Variants in MMD2 observed in about 807,000 individuals in gnomAD.
MMD2 encodes monocyte to macrophage differentiation factor 2.
MMD2 carries 30 observed loss-of-function variants against 33.5 expected under a neutral mutation model. That is an observed-to-expected ratio of 0.90 (90% CI 0.67 to 1.22). MMD2 has a LOEUF of 1.22. MMD2 is among the 50% of genes most tolerant of loss of function. The pLI is 0.00. For synonymous variants in MMD2, 129 were observed against 123.0 expected (o/e 1.05, Z -0.32); for missense variants, 364 against 325.4 (o/e 1.12, Z -0.91).
At chr7:4,915,893 A>T (rs558089413) in intron 4 of MMD2, 112 bp downstream of exon 4, 1 of 1,054,844 alleles carries the variant, frequency 9.5e-7, no homozygotes, top group East Asian at 2.8e-5. Context: ...GAAGCTTTTA[A>T]CCTAACTCCT....
At position 4,946,535 on chromosome 7, in the gene MMD2, A is replaced by C. The variant is rs1786092426; in HGVS notation, c.47+12436T>G. 6.6e-6 allele frequency among the ~76,000 whole-genome samples: 1 copy of C among 152,164 alleles called. No homozygotes were observed. The highest frequency in any genetic ancestry group is 2.4e-5 in the African/African-American group (1 of 41,438). ...GCGAGTGAAACAAAGGATTCAGACA[A>C]TGATAACCAATGGATGCTAAGACCA... is the stretch of plus-strand genomic sequence containing the variant. On this transcript the variant is annotated intron_variant, in intron 1 of 6. Transcript: ENST00000401401. This position sits in a 1 kb window ranked among gnomAD's most constrained non-coding sequence, Gnocchi z 5.0.
rs1784959242 is a variant in MMD2, at chr7:4,909,815, C to T, written c.537+66G>A. The T allele has an allele frequency of 3.2e-6, 5 of 1,554,666 alleles. No homozygotes were observed. In the Admixed American group the frequency reaches 9.7e-5, roughly 30 times the overall value. On this transcript the variant is annotated intron_variant, in intron 6 of 6. Transcript: ENST00000401401. ...GAGGGTTTGTGACAATCTCAACAGC[C>T]AGGTCCAGCTCGGACACTCTTGGTC...
chr7:4,944,361 G>T (rs1285062450), intron 1 of MMD2, among the ~76,000 whole-genome samples: 1 of 152,124 alleles, frequency 6.6e-6, no homozygotes, highest in Non-Finnish European at 1.5e-5. Context: ...TCACTTGGAG[G>T]GAGCAAAGGT....
intron 2 of MMD2, among the ~76,000 whole-genome samples, chr7:4,920,912 C>G (rs922556559): frequency 6.6e-6 from 1 of 151,990 alleles, no homozygotes; most frequent in Non-Finnish European, 1.5e-5. Context: ...GAGGTGGGGT[C>G]TGGCTATAAT....
intron 1 of MMD2, 133 bp from the exon 2 acceptor site, chr7:4,925,665 C>T (rs1785406859): frequency 3.8e-6 from 2 of 532,504 alleles, no homozygotes; most frequent in African/African-American, 1.9e-5. Context: ...TTTCATCTCC[C>T]CCTCTCTCTC....
chr7:4,943,079 A>G (rs1785956258), intron 1 of MMD2, among the ~76,000 whole-genome samples: 1 of 131,868 alleles, frequency 7.6e-6, no homozygotes, highest in African/African-American at 2.9e-5. Flanking sequence ...GCGCAATGTC[A>G]GCTCATTGCA....
intron 4 of MMD2, among the ~76,000 whole-genome samples, chr7:4,915,135 G>A (rs932284228): frequency 1.3e-5 from 2 of 151,392 alleles, no homozygotes; most frequent in African/African-American, 4.9e-5. Flanking sequence ...GCCAAGCATG[G>A]TGGCTTGCAC....
At chr7:4,901,262 G>T (rs1027327350), downstream of MMD2, among the ~76,000 whole-genome samples, 2 of 151,958 alleles carry the variant, frequency 1.3e-5, no homozygotes, top group African/African-American at 4.8e-5. Flanking sequence ...CTAACTCGGT[G>T]AAATCACGTC....
intron 1 of MMD2, among the ~76,000 whole-genome samples, chr7:4,948,614 G>T (rs1031689121): frequency 6.6e-6 from 1 of 152,066 alleles, no homozygotes; most frequent in Non-Finnish European, 1.5e-5. Context: ...AAATGACAAG[G>T]TCATGAGGGT....
At chr7:4,914,016 G>A (rs921943134) in intron 4 of MMD2, among the ~76,000 whole-genome samples, 3 of 152,006 alleles carry the variant, frequency 2.0e-5, no homozygotes, top group Admixed American at 1.3e-4. Context: ...TAGAGACCGG[G>A]TGTCACTCTC....
chr7:4,927,088 C>G (rs963004032), intron 1 of MMD2, among the ~76,000 whole-genome samples: 1 of 152,020 alleles, frequency 6.6e-6, no homozygotes, highest in African/African-American at 2.4e-5. Context: ...ACTGGGTGAA[C>G]AGACCACAAG....
the MMD2 span, among the ~76,000 whole-genome samples, chr7:4,893,663 A>C: frequency 1.3e-5 from 2 of 151,604 alleles, no homozygotes; most frequent in Non-Finnish European, 2.9e-5. Flanking sequence ...AAGCACTAGG[A>C]TTACCCATGA....
intron 1 of MMD2, among the ~76,000 whole-genome samples, chr7:4,945,037 CCTCT>C (rs1230139613): frequency 2.0e-5 from 3 of 150,002 alleles, no homozygotes; most frequent in African/African-American, 7.3e-5. Flanking sequence ...TCTCCCTCTC[CCTCT>C]CTCTCTCCTT....
chr7:4,945,185 T>TTTATTCTTCTTCTTC (rs1554273336), intron 1 of MMD2, among the ~76,000 whole-genome samples: 7 of 93,480 alleles, frequency 7.5e-5, no homozygotes, highest in African/African-American at 2.8e-4. Flanking sequence ...CCTCTTCCTC[T>TTTATTCTTCTTCTTC]TTCTTCTTCT....
At chr7:4,899,615 C>T in the MMD2 span, among the ~76,000 whole-genome samples, 4 of 152,010 alleles carry the variant, frequency 2.6e-5, no homozygotes, top group Admixed American at 6.6e-5. Context: ...AGGCTGGTCT[C>T]GAACGCCTGA....
chr7:4,918,110 G>A (rs918200717), intron 3 of MMD2, among the ~76,000 whole-genome samples: 1 of 152,158 alleles, frequency 6.6e-6, no homozygotes, highest in African/African-American at 2.4e-5. Context: ...CAAGCCATCA[G>A]ATGACAGCAG....
At chr7:4,925,280 C>T (rs1444716552) in intron 2 of MMD2, among the ~76,000 whole-genome samples, 171 bp downstream of exon 2, 1 of 151,806 alleles carries the variant, frequency 6.6e-6, no homozygotes, top group Admixed American at 6.6e-5. Context: ...CACTGCAGTC[C>T]AGTTTACCCC....
chr7:4,917,101 C>T (rs1232903714), intron 3 of MMD2, among the ~76,000 whole-genome samples: 4 of 152,016 alleles, frequency 2.6e-5, no homozygotes, highest in Non-Finnish European at 4.4e-5. Context: ...TACTAAATTA[C>T]GTGCCCCTCA....
chr7:4,938,002 CTTTTTTTTTTTTTTTTT>C (rs1165504272), intron 1 of MMD2, among the ~76,000 whole-genome samples: 1 of 45,646 alleles, frequency 2.2e-5, no homozygotes, highest in African/African-American at 1.0e-4. Flanking sequence ...TTCTTTCTTT[CTTTTTTTTTTTTTTTTT>C]TTTTTTTTTG....
Sources: allele counts gnomAD v4.1 joint callset (sites outside exome capture counted in the v4.1 genomes callset), GRCh38; gene constraint gnomAD v4.1.1; non-coding constraint Gnocchi (gnomAD v3.1); transcripts MANE v1.5; gene names NCBI Gene and HGNC (gene_info 2026-07-23, HGNC 2026-07-21).